The following SLC24A2 variants were observed in gnomAD, a reference collection of about 807,000 sequenced individuals.
SLC24A2 encodes the protein sodium/potassium/calcium exchanger 2.
A neutral mutation model predicts 62.0 loss-of-function variants in SLC24A2; 36 were observed. The ratio of observed to expected loss-of-function variants is 0.58; its 90% CI spans 0.44 to 0.77. The LOEUF (loss-of-function observed/expected upper bound fraction) is 0.77, where lower values mean the gene tolerates loss of function less well. Among genes scored for constraint, SLC24A2 ranks in the 30% least tolerant of loss-of-function variants. The probability of loss-of-function intolerance (pLI) is 0.00; values close to 1 mark genes in which losing one functional copy is unlikely to be tolerated. For synonymous variants in SLC24A2, 358 were observed against 294.0 expected, an observed-to-expected ratio of 1.22 and a Z score of -2.23; for missense variants, 846 against 817.9, an observed-to-expected ratio of 1.03 and a Z score of -0.42.
the SLC24A2 span, among the ~76,000 whole-genome samples, chr9:19,876,081 C>A: frequency 6.6e-6 from 1 of 152,086 alleles, no homozygotes; most frequent in African/African-American, 2.4e-5. Flanking sequence ...TTGTTAGGGC[C>A]AACAGATTTG....
intron 2 of SLC24A2, among the ~76,000 whole-genome samples, chr9:19,735,570 C>T (rs1163851297): frequency 4.6e-5 from 7 of 152,040 alleles, no homozygotes; most frequent in South Asian, 2.1e-4. Flanking sequence ...ATGTTTATTG[C>T]GGCACTATTC....
At chr9:19,818,345 A>C in the SLC24A2 span, among the ~76,000 whole-genome samples, 3 of 152,122 alleles carry the variant, frequency 2.0e-5, no homozygotes, top group African/African-American at 7.2e-5. Context: ...CTTCAACTTC[A>C]ATGGGATAAA....
At chr9:19,600,599 G>A (rs1587015997) in intron 4 of SLC24A2, among the ~76,000 whole-genome samples, 1 of 152,210 alleles carries the variant, frequency 6.6e-6, no homozygotes, top group East Asian at 1.9e-4. Context: ...CATGCAGATG[G>A]TTCATAATGA....
At position 19,636,314 on chromosome 9, in the gene SLC24A2, CTTTTCTTTCTTTCTTTCTTT is replaced by C. The variant is rs1818325941; in HGVS notation, c.931-14035_931-14016del. On this transcript the variant is annotated intron_variant, in intron 2 of 10. Coordinates refer to ENST00000341998, the MANE Select transcript of SLC24A2 (RefSeq NM_020344.4). ...CTTTTCTTTTCTTTTCTTTTCTTTT[CTTTTCTTTCTTTCTTTCTTT>C]CTTTCTTTCTTTCTTTCTTTCTTTC... 4.2e-4 allele frequency among the ~76,000 whole-genome samples: 9 copies of C among 21,254 alleles called. 1 individual carries two copies. Among genetic ancestry groups the C allele is most frequent in the South Asian group, 2.1e-3 (1 of 468 alleles). 13.9% of individuals were successfully genotyped at this position (21,254 alleles called of 152,430 possible).
chr9:19,971,441 A>C, the SLC24A2 span, among the ~76,000 whole-genome samples: 1 of 152,206 alleles, frequency 6.6e-6, no homozygotes, highest in Non-Finnish European at 1.5e-5. Flanking sequence ...TATGAAAGCT[A>C]CAGTAGGGAT....
chr9:19,961,223 T>TATA, the SLC24A2 span, among the ~76,000 whole-genome samples: 1 of 151,258 alleles, frequency 6.6e-6, no homozygotes, highest in East Asian at 1.9e-4. Context: ...AAACTTAAAG[T>TATA]ATAATAATAA....
the SLC24A2 span, among the ~76,000 whole-genome samples, chr9:20,259,193 G>A: frequency 1.1e-4 from 16 of 152,152 alleles, no homozygotes; most frequent in African/African-American, 3.9e-4. Context: ...AGGAAAAATT[G>A]ACGCCCTGCT....
At chr9:19,911,243 G>A in the SLC24A2 span, among the ~76,000 whole-genome samples, 12 of 152,168 alleles carry the variant, frequency 7.9e-5, no homozygotes, top group African/African-American at 2.9e-4. Context: ...CAAAGGACAT[G>A]AACTCATCGT....
the SLC24A2 span, among the ~76,000 whole-genome samples, chr9:19,914,091 A>C: frequency 6.6e-6 from 1 of 151,912 alleles, no homozygotes; most frequent in African/African-American, 2.4e-5. Flanking sequence ...GCTTCACTAC[A>C]TATCTAGTCC....
chr9:19,748,837 G>A (rs190306565), intron 2 of SLC24A2, among the ~76,000 whole-genome samples: 26 of 151,998 alleles, frequency 1.7e-4, no homozygotes, highest in Admixed American at 1.3e-3. Context: ...CACAGAGGAG[G>A]GTGATAAGCA....
chr9:19,521,961 T>C (rs1833226417), intron 9 of SLC24A2, among the ~76,000 whole-genome samples: 1 of 151,922 alleles, frequency 6.6e-6, no homozygotes, highest in South Asian at 2.1e-4. Flanking sequence ...TGGAAGCTCC[T>C]CCATTCTCTT....
the SLC24A2 span, among the ~76,000 whole-genome samples, chr9:19,897,533 T>C: frequency 1.4e-4 from 22 of 152,174 alleles, 1 homozygote; most frequent in Non-Finnish European, 2.9e-5. Context: ...TGTAAAGATA[T>C]GTATTTTTAC....
the SLC24A2 span, among the ~76,000 whole-genome samples, chr9:19,837,927 A>G: frequency 6.6e-6 from 1 of 152,046 alleles, no homozygotes; most frequent in Non-Finnish European, 1.5e-5. Flanking sequence ...GAGGTTACAA[A>G]CAAATGGAAG....
the SLC24A2 span, among the ~76,000 whole-genome samples, chr9:20,011,034 G>A: frequency 2.1e-4 from 32 of 152,024 alleles, no homozygotes; most frequent in African/African-American, 6.8e-4. Flanking sequence ...GTTGGTTCCA[G>A]GTCTTTGCTA....
At chr9:19,889,547 T>A in the SLC24A2 span, among the ~76,000 whole-genome samples, 12 of 152,284 alleles carry the variant, frequency 7.9e-5, 1 homozygote, top group African/African-American at 2.4e-4. Flanking sequence ...CCTATTGTCT[T>A]TTCAGGGGTG....
At chr9:20,004,746 T>G in the SLC24A2 span, among the ~76,000 whole-genome samples, 1 of 152,200 alleles carries the variant, frequency 6.6e-6, no homozygotes, top group Non-Finnish European at 1.5e-5. Context: ...AATGAAGGAT[T>G]ATAACAAAAC....
chr9:19,577,086 C>A, intron 5 of SLC24A2, 64 bp from the exon 6 acceptor site: 1 of 1,315,292 alleles, frequency 7.6e-7, no homozygotes, highest in South Asian at 1.2e-5. Flanking sequence ...CAGGGCCAAG[C>A]AGGTATGTGG....
chr9:19,968,078 G>A, the SLC24A2 span: 1 of 152,078 alleles, frequency 6.6e-6, no homozygotes, highest in African/African-American at 2.4e-5. Context: ...TATAAAATAG[G>A]GAGGATAATT....
chr9:20,224,059 C>G, the SLC24A2 span, among the ~76,000 whole-genome samples: 6 of 151,964 alleles, frequency 3.9e-5, no homozygotes, highest in African/African-American at 1.2e-4. Context: ...ATAACAAAAA[C>G]AGCATGAGGA....
Sources: allele counts gnomAD v4.1 joint callset (sites outside exome capture counted in the v4.1 genomes callset), GRCh38; gene constraint gnomAD v4.1.1; transcripts MANE v1.5; gene names NCBI Gene and HGNC (gene_info 2026-07-23, HGNC 2026-07-21).